Variants in TOMM34 observed in about 807,000 individuals in gnomAD.
TOMM34 encodes the protein mitochondrial import receptor subunit TOM34.
A neutral mutation model predicts 37.4 loss-of-function variants in TOMM34; 24 were observed. The observed-to-expected ratio is 0.64, with a 90% confidence interval of 0.46 to 0.90. The LOEUF (loss-of-function observed/expected upper bound fraction) is 0.90. TOMM34 is among the 40% of genes least tolerant of loss of function. The pLI is 0.00. For missense variants in TOMM34, 304 were observed against 375.6 expected (o/e 0.81, Z 1.58); for synonymous variants, 154 against 148.9 (o/e 1.03, Z -0.25).
chr20:44,956,995 ACCTGGTCAAGCC>A (rs772171341), intron 1 of TOMM34, among the ~76,000 whole-genome samples: 1 of 152,198 alleles, frequency 6.6e-6, no homozygotes, highest in African/African-American at 2.4e-5. Context: ...GACTAGTTTT[ACCTGGTCAAGCC>A]AGGGAGGACT....
At chr20:44,958,574 T>A in intron 1 of TOMM34, 1 of 268,770 alleles carries the variant, frequency 3.7e-6, no homozygotes, top group Non-Finnish European at 7.8e-6. Context: ...GGGTTCATTG[T>A]GTTAGCCTGT....
intron 2 of TOMM34, 79 bp from the exon 3 acceptor site, chr20:44,955,299 T>C: frequency 1.3e-6 from 2 of 1,554,192 alleles, no homozygotes. Flanking sequence ...CAGGCAGGGT[T>C]ATCTGGAGCA....
intron 3 of TOMM34, chr20:44,952,768 CTG>C (rs2067037275): frequency 1.4e-6 from 1 of 696,088 alleles, no homozygotes; most frequent in Non-Finnish European, 2.6e-6. Flanking sequence ...ATAATGCTAA[CTG>C]TATACTTTTT....
intron 1 of TOMM34, chr20:44,958,435 G>T: frequency 2.1e-6 from 1 of 469,850 alleles, no homozygotes; most frequent in South Asian, 1.6e-5. Flanking sequence ...ACCAGAGTAC[G>T]GTTGCTCAGA....
At chr20:44,959,547 T>G (rs1413758714) in intron 1 of TOMM34, among the ~76,000 whole-genome samples, 1 of 152,178 alleles carries the variant, frequency 6.6e-6, no homozygotes, top group Admixed American at 6.5e-5. Flanking sequence ...ACTGACCTCA[T>G]GTCTTCCTAT....
chr20:44,944,001 T>C (rs2066959353), intron 5 of TOMM34, among the ~76,000 whole-genome samples: 1 of 152,162 alleles, frequency 6.6e-6, no homozygotes, highest in African/African-American at 2.4e-5. Context: ...ACTACTGAAC[T>C]CTAATGATAT....
chr20:44,952,151 C>T, intron 3 of TOMM34, 149 bp from the exon 4 acceptor site: 2 of 839,176 alleles, frequency 2.4e-6, no homozygotes, highest in Non-Finnish European at 3.6e-6. Context: ...GCTCCTCCAA[C>T]ACGTGCAATA....
At chr20:44,943,768 AAGGAACTTGGGCC>A (rs1463143729) in intron 5 of TOMM34, among the ~76,000 whole-genome samples, 189 bp from the exon 6 acceptor site, 1 of 152,168 alleles carries the variant, frequency 6.6e-6, no homozygotes, top group Admixed American at 6.5e-5. Context: ...CAGAAGGGTA[AAGGAACTTGGGCC>A]AGGTACCGCC....
chr20:44,956,558 C>A, intron 1 of TOMM34, 73 bp from the exon 2 acceptor site: 1 of 1,443,962 alleles, frequency 6.9e-7, no homozygotes, highest in Non-Finnish European at 9.7e-7. Flanking sequence ...ACATTTCAAA[C>A]TCAGAGCTCT....
Position 44,956,504 on chromosome 20 carries a change from G to A in TOMM34, c.128-19C>T, listed in dbSNP as rs375427569. Reference sequence around the variant, plus strand: ...GAAGAACCTGCCCAGATAGAGTGGGGAAGATGATCAGTTTGGAAAATGGGT... The same window carrying A: ...GAAGAACCTGCCCAGATAGAGTGGGAAAGATGATCAGTTTGGAAAATGGGT... On this transcript the variant is annotated intron_variant, in intron 1 of 6. Coordinates refer to ENST00000372813, the MANE Select transcript of TOMM34 (RefSeq NM_006809.5). 3 of 1,613,384 alleles carry A rather than the reference G, an allele frequency of 1.9e-6. No homozygotes were observed. Among genetic ancestry groups the A allele is most frequent in the Admixed American group, 1.7e-5 (1 of 59,992 alleles).
intron 3 of TOMM34, among the ~76,000 whole-genome samples, chr20:44,954,461 T>C (rs777139736): frequency 1.1e-4 from 17 of 152,216 alleles, no homozygotes; most frequent in Admixed American, 3.9e-4. Context: ...ATACATACCA[T>C]GAAGTCCCTG....
intron 3 of TOMM34, among the ~76,000 whole-genome samples, chr20:44,953,029 A>G (rs774459266): frequency 2.6e-5 from 4 of 152,056 alleles, no homozygotes; most frequent in East Asian, 1.9e-4. Context: ...AGAAGAGACA[A>G]TGGGACCAAT....
At chr20:44,948,176 G>A (rs929845301) in intron 5 of TOMM34, among the ~76,000 whole-genome samples, 3 of 152,148 alleles carry the variant, frequency 2.0e-5, no homozygotes, top group South Asian at 2.1e-4. Context: ...TGAAGGGACC[G>A]CACCCTGGCT....
chr20:44,958,421 A>C (rs2067096234), intron 1 of TOMM34: 2 of 471,294 alleles, frequency 4.2e-6, no homozygotes, highest in Non-Finnish European at 8.8e-6. Context: ...ATCCATCTTG[A>C]GTCACCAGAG....
chr20:44,955,574 T>A (rs572126898), intron 2 of TOMM34: 9 of 465,446 alleles, frequency 1.9e-5, no homozygotes, highest in South Asian at 1.4e-4. Context: ...TGGAGTCAGA[T>A]GGGGTGGTGT....
At chr20:44,948,104 A>G (rs977783921) in intron 5 of TOMM34, among the ~76,000 whole-genome samples, 1 of 152,154 alleles carries the variant, frequency 6.6e-6, no homozygotes, top group South Asian at 2.1e-4. Context: ...TCAATTTTCT[A>G]AACACTAAAA....
At chr20:44,952,784 C>T (rs909546785) in intron 3 of TOMM34, 10 of 677,460 alleles carry the variant, frequency 1.5e-5, no homozygotes, top group Admixed American at 6.6e-5. Flanking sequence ...ACTTTTTCTG[C>T]TCCTACAACC....
Position 44,960,305 on chromosome 20 carries a change from T to G in TOMM34, c.29A>C (p.Glu10Ala), listed in dbSNP as rs971312272. Residue 10 changes from glutamate to alanine, a missense_variant, in exon 1 of 7, where the codon GAG (glutamate) becomes GCG (alanine). Glu to Ala is a moderately radical substitution (Grantham distance 107). Coordinates refer to ENST00000372813, the MANE Select transcript of TOMM34 (RefSeq NM_006809.5). ...CTCATTGCCGGCGGCGCGGAGCTCCTCCACAGAGTCTGGGAATTTGGGGGC... is the reference window on the plus strand; with the variant it reads ...CTCATTGCCGGCGGCGCGGAGCTCCGCCACAGAGTCTGGGAATTTGGGGGC... MAPKFPDSVEELRAAGNESF... is the reference protein window; with the variant it reads MAPKFPDSVAELRAAGNESF... 1.9e-6 allele frequency: 3 copies of G among 1,584,282 alleles called. No individual in the cohort carries two copies. The African/African-American group carries it at 4.1e-5, about 22-fold the overall frequency.
At chr20:44,952,842 A>G (rs547087087) in intron 3 of TOMM34, 1 of 610,938 alleles carries the variant, frequency 1.6e-6, no homozygotes, top group South Asian at 2.0e-5. Context: ...TATCACTACA[A>G]ATTCCAAGAT....
Sources: allele counts gnomAD v4.1 joint callset (sites outside exome capture counted in the v4.1 genomes callset), GRCh38; gene constraint gnomAD v4.1.1; transcripts MANE v1.5; gene names NCBI Gene and HGNC (gene_info 2026-07-23, HGNC 2026-07-21).